CALCR: variants seen among roughly 807,000 people sequenced by gnomAD.
CALCR encodes calcitonin receptor.
A neutral mutation model predicts 59.5 loss-of-function variants in CALCR; 47 were observed. The observed-to-expected ratio is 0.79, with a 90% confidence interval of 0.63 to 1.01. CALCR has a LOEUF of 1.01. CALCR is among the 50% of genes least tolerant of loss of function. CALCR has a pLI of 0.00. For missense variants in CALCR, 566 were observed against 597.1 expected (o/e 0.95, Z 0.54); for synonymous variants, 213 against 211.3 (o/e 1.01, Z -0.07).
In CALCR at chr7:93,424,779, C is replaced by T. The variant is rs1201219127; in HGVS notation, c.*1577G>A. The T allele has an allele frequency of 6.6e-6, 1 of 152,584 alleles. No homozygotes were observed. Among genetic ancestry groups the T allele is most frequent in the Non-Finnish European group, 1.5e-5 (1 of 68,000 alleles). The allele number at this position is 152,584 out of a possible 1,614,324, so 9.5% of individuals were successfully genotyped here. Reference sequence around the variant, plus strand: ...ACAAAAATAGAACAATACTACATAACACTGTGATTGGAAAAATACCTTCTT... The same window carrying T: ...ACAAAAATAGAACAATACTACATAATACTGTGATTGGAAAAATACCTTCTT... On this transcript the variant is annotated 3_prime_UTR_variant, in exon 14 of 14. Coordinates refer to ENST00000426151, the MANE Select transcript of CALCR (RefSeq NM_001742.4).
At chr7:93,563,983 A>G (rs955832293) in intron 2 of CALCR, among the ~76,000 whole-genome samples, 11 of 152,216 alleles carry the variant, frequency 7.2e-5, no homozygotes, top group Non-Finnish European at 1.6e-4. Context: ...ACTGGCTCAT[A>G]GTAAGTACTA....
At chr7:93,473,118 C>T (rs1034656606) in intron 5 of CALCR, among the ~76,000 whole-genome samples, 1 of 151,672 alleles carries the variant, frequency 6.6e-6, no homozygotes, top group African/African-American at 2.4e-5. Flanking sequence ...TATAGGGATC[C>T]AGGCTTCAGC....
At chr7:93,445,977 A>T (rs555751548) in intron 8 of CALCR, among the ~76,000 whole-genome samples, 1 of 152,098 alleles carries the variant, frequency 6.6e-6, no homozygotes, top group Non-Finnish European at 1.5e-5. Context: ...ACAAGAAGGC[A>T]CAGAGAGCAT....
intron 12 of CALCR, 95 bp from the exon 13 acceptor site, chr7:93,434,389 G>GAAGA: frequency 2.0e-6 from 1 of 511,148 alleles, no homozygotes; most frequent in Non-Finnish European, 3.4e-6. Context: ...AAGGCCTGAT[G>GAAGA]AAAAAAAAAA....
At chr7:93,468,097 C>T (rs1800478011) in intron 7 of CALCR, among the ~76,000 whole-genome samples, 2 of 151,670 alleles carry the variant, frequency 1.3e-5, no homozygotes, top group Admixed American at 6.6e-5. Context: ...TGTACCATTC[C>T]TGTAAAGATC....
At chr7:93,516,617 C>T (rs1266697350) in intron 2 of CALCR, among the ~76,000 whole-genome samples, 2 of 151,758 alleles carry the variant, frequency 1.3e-5, no homozygotes, top group Non-Finnish European at 2.9e-5. Context: ...CCATTATGGC[C>T]AGTAGAACCC....
At chr7:93,564,605 A>T (rs1789818900) in intron 2 of CALCR, among the ~76,000 whole-genome samples, 1 of 152,104 alleles carries the variant, frequency 6.6e-6, no homozygotes, top group South Asian at 2.1e-4. Context: ...GGCGCACACC[A>T]CTACCCTCAG....
chr7:93,519,416 C>T (rs80112512), intron 2 of CALCR, among the ~76,000 whole-genome samples: 2,963 of 152,076 alleles, frequency 0.019, 111 homozygotes, highest in African/African-American at 0.067. Context: ...AGGAAAGTTA[C>T]TTAACCACTC....
At chr7:93,553,957 C>A (rs1233410451) in intron 2 of CALCR, among the ~76,000 whole-genome samples, 8 of 152,174 alleles carry the variant, frequency 5.3e-5, no homozygotes, top group African/African-American at 1.7e-4. Flanking sequence ...ACCTCAGCAT[C>A]CTTCTCAAAG....
intron 5 of CALCR, among the ~76,000 whole-genome samples, chr7:93,474,856 A>C (rs13242277): frequency 0.4 from 61,073 of 151,604 alleles, 13,007 homozygotes; most frequent in South Asian, 0.49. Context: ...CGTATAGATA[A>C]TGCTTTTATA....
chr7:93,430,818 T>C (rs1799643194), intron 13 of CALCR, among the ~76,000 whole-genome samples: 1 of 152,182 alleles, frequency 6.6e-6, no homozygotes, highest in Non-Finnish European at 1.5e-5. Flanking sequence ...GTTTCAGAAA[T>C]CTTCCAGGTG....
chr7:93,451,735 T>A (rs1404619932), intron 8 of CALCR, among the ~76,000 whole-genome samples: 1 of 152,038 alleles, frequency 6.6e-6, no homozygotes, highest in African/African-American at 2.4e-5. Flanking sequence ...CTTATTTATT[T>A]ATTTAAGCAT....
intron 8 of CALCR, among the ~76,000 whole-genome samples, chr7:93,455,013 A>G (rs1160001504): frequency 2.0e-5 from 3 of 151,770 alleles, no homozygotes; most frequent in Non-Finnish European, 2.9e-5. Context: ...AAATAGTGTG[A>G]CAACATTTGG....
intron 5 of CALCR, among the ~76,000 whole-genome samples, chr7:93,473,012 C>G (rs1800586506): frequency 6.6e-6 from 1 of 151,658 alleles, no homozygotes; most frequent in East Asian, 1.9e-4. Context: ...TCCAATAGAA[C>G]AAAGAAGTCC....
At chr7:93,441,583 T>C in intron 9 of CALCR, 1 of 452,064 alleles carries the variant, frequency 2.2e-6, no homozygotes, top group Non-Finnish European at 4.4e-6. Context: ...TAAAAGACCA[T>C]TTTGAGTAAA....
rs770479251 is a variant in CALCR, at chr7:93,488,582, G to GCAAAAAAAAAAAAA, written c.-26-1576_-26-1575insTTTTTTTTTTTTTG. On this transcript the variant is annotated intron_variant, in intron 2 of 13. Transcript: ENST00000426151. Reference sequence around the variant, plus strand: ...GGAAAATTTACCAAGCAAATGGAAAGAAAAAAAAAAAAAAAAAAAGCATGG... The same window carrying GCAAAAAAAAAAAAA: ...GGAAAATTTACCAAGCAAATGGAAAGCAAAAAAAAAAAAAAAAAAAAAAAAAAAAAAAAGCATGG... Among the ~76,000 whole-genome samples, 207 of 77,970 alleles carry GCAAAAAAAAAAAAA rather than the reference G, an allele frequency of 2.7e-3. 35 individuals carry two copies. Among genetic ancestry groups the GCAAAAAAAAAAAAA allele is most frequent in the Middle Eastern group, 8.8e-3 (1 of 114 alleles). 51.2% of individuals were successfully genotyped at this position (77,970 alleles called of 152,430 possible).
intron 4 of CALCR, among the ~76,000 whole-genome samples, chr7:93,478,912 AGT>A (rs1260018178): frequency 6.6e-6 from 1 of 151,788 alleles, no homozygotes; most frequent in Non-Finnish European, 1.5e-5. Context: ...GGGGCCAGAA[AGT>A]GTGGAAGAAT....
Position 93,468,789 on chromosome 7 carries a change from GTAC to G in CALCR, c.444_446del (p.Tyr150del). On this transcript the variant is annotated inframe_deletion, in exon 7 of 14. Coordinates refer to ENST00000426151, the MANE Select transcript of CALCR (RefSeq NM_001742.4). ...AAGAATGACCCACAATAGCCAAATA[GTAC>G]AGAACATATGCATTCTGGAACAACA... The G allele has an allele frequency of 6.2e-7, 1 of 1,606,662 alleles. No homozygotes were observed. The highest frequency in any genetic ancestry group is 8.5e-7 in the Non-Finnish European group (1 of 1,175,166).
At chr7:93,512,701 A>G (rs1454730745) in intron 2 of CALCR, among the ~76,000 whole-genome samples, 4 of 152,148 alleles carry the variant, frequency 2.6e-5, no homozygotes, top group Non-Finnish European at 5.9e-5. Flanking sequence ...TGAAAAGGCT[A>G]ATTAAAAGGC....
Sources: gnomAD v4.1 joint callset for allele counts (sites outside exome capture counted in the v4.1 genomes callset) on GRCh38, gnomAD v4.1.1 for gene constraint, MANE v1.5 for transcripts, NCBI Gene and HGNC (gene_info 2026-07-23, HGNC 2026-07-21) for gene names.